PSMC4: variants seen among roughly 807,000 people sequenced by gnomAD.
PSMC4 encodes the protein 26S proteasome regulatory subunit 6B.
A neutral mutation model predicts 48.4 loss-of-function variants in PSMC4; 13 were observed. That is an observed-to-expected ratio of 0.27 (90% CI 0.18 to 0.43). The LOEUF (loss-of-function observed/expected upper bound fraction) is 0.43. Among genes scored for constraint, PSMC4 ranks in the 20% least tolerant of loss-of-function variants. PSMC4 has a pLI of 1.00. For missense variants in PSMC4, 262 were observed against 555.9 expected, an observed-to-expected ratio of 0.47 and a Z score of 5.32; for synonymous variants, 202 against 212.3, an observed-to-expected ratio of 0.95 and a Z score of 0.42.
intron 6 of PSMC4, among the ~76,000 whole-genome samples, chr19:39,977,754 C>T (rs1342827011): frequency 6.6e-6 from 1 of 151,608 alleles, no homozygotes; most frequent in Non-Finnish European, 1.5e-5. Context: ...CCCAGGAGGC[C>T]AAGGTTGCAG....
At chr19:39,979,255 T>C (rs1455647244) in intron 6 of PSMC4, among the ~76,000 whole-genome samples, 1 of 152,032 alleles carries the variant, frequency 6.6e-6, no homozygotes, top group Non-Finnish European at 1.5e-5. Flanking sequence ...TTTTTAAATG[T>C]TGGGCCAAAA....
rs962222368 is a variant in PSMC4 at position 39,974,009 on chromosome 19, C to T, written c.323-285C>T. On this transcript the variant is annotated intron_variant, in intron 3 of 10. Coordinates refer to ENST00000157812, the MANE Select transcript of PSMC4 (RefSeq NM_006503.4). This position sits in a 1 kb window ranked among gnomAD's most constrained non-coding sequence, Gnocchi z 5.5. ...CTGCTGGTCAGCCAGGTCTGACAAT[C>T]AGGAGAGAGACTGAGCCTGGAAACA... is the stretch of plus-strand genomic sequence containing the variant. Among the ~76,000 whole-genome samples, 3 of 152,126 alleles carry T rather than the reference C, an allele frequency of 2.0e-5. No individual in the cohort carries two copies. The highest frequency in any genetic ancestry group is 4.8e-5 in the African/African-American group (2 of 41,402).
Position 39,981,058 on chromosome 19 carries a change from T to C in PSMC4, c.1144-134T>C. ...TTTTTGTAGAGACAGGGTTTCACCA[T>C]GTTGCCCAGGCTGGTCTCGAACTCT... On this transcript the variant is annotated intron_variant, in intron 10 of 10. Transcript: ENST00000157812. 6 of 674,538 alleles carry C rather than the reference T, an allele frequency of 8.9e-6. No individual in the cohort carries two copies. The South Asian group carries it at 1.1e-4, about 12-fold the overall frequency. 41.8% of individuals were successfully genotyped at this position (674,538 alleles called of 1,614,324 possible). A position where few individuals can be genotyped will look rare whatever the true frequency, so the allele number is the denominator to read the frequency against.
At chr19:39,976,132 G>T (rs1971193410) in intron 6 of PSMC4, among the ~76,000 whole-genome samples, 1 of 151,618 alleles carries the variant, frequency 6.6e-6, no homozygotes, top group Admixed American at 6.6e-5. Context: ...AGCTACTTGG[G>T]AGGCTGAGGC....
At position 39,981,009 on chromosome 19, in the gene PSMC4, C is replaced by T. The variant is rs546796917; in HGVS notation, c.1144-183C>T. Among the ~76,000 whole-genome samples the T allele has an allele frequency of 8.5e-4, 117 of 138,216 alleles. 1 individual carries two copies. Among genetic ancestry groups the T allele is most frequent in the African/African-American group, 3.9e-3 (114 of 28,928 alleles). The allele number at this position is 138,216 out of a possible 152,430, so 90.7% of individuals were successfully genotyped here. A position where few individuals can be genotyped will look rare whatever the true frequency, so the allele number is the denominator to read the frequency against. On this transcript the variant is annotated intron_variant, in intron 10 of 10. Coordinates refer to ENST00000157812, the MANE Select transcript of PSMC4 (RefSeq NM_006503.4). ...AGTAGCTGGGATTACAGGCGCCCAC[C>T]ACCAGTCTGGCTAATTTTTGTATTT... is the stretch of plus-strand genomic sequence containing the variant.
rs773791351 is a variant in PSMC4, at chr19:39,972,248, C to T, written c.135+4C>T. ...GGACCTGTACAGCCGCTACAAGGTACATTCGACCCCCAACCCAGACCTTGC... is the reference window on the plus strand; with the variant it reads ...GGACCTGTACAGCCGCTACAAGGTATATTCGACCCCCAACCCAGACCTTGC... On this transcript the variant is annotated splice_donor_region_variant and intron_variant, in intron 2 of 10. Transcript: ENST00000157812. 25 of 1,613,260 alleles carry T rather than the reference C, an allele frequency of 1.5e-5. 1 individual carries two copies. The South Asian group carries it at 2.3e-4, about 15-fold the overall frequency.
chr19:39,979,610 G>T, intron 6 of PSMC4: 1 of 406,060 alleles, frequency 2.5e-6, no homozygotes. Context: ...CATGATTTAG[G>T]CCACTGGGTC....
At position 39,973,594 on chromosome 19, in the gene PSMC4, A is replaced by C. The variant is rs1485576648; in HGVS notation, c.323-700A>C. Among the ~76,000 whole-genome samples, 4 of 151,840 alleles carry C rather than the reference A, an allele frequency of 2.6e-5. No homozygotes were observed. The East Asian group carries it at 7.7e-4, about 29-fold the overall frequency. ...CAACACTCTGTCTAAAAAAAAAAAA[A>C]AAAAAAAAAATACTGGGCCCTGATA... On this transcript the variant is annotated intron_variant, in intron 3 of 10. Transcript: ENST00000157812.
At chr19:39,973,152 G>T (rs985025889) in intron 3 of PSMC4, among the ~76,000 whole-genome samples, 1 of 152,140 alleles carries the variant, frequency 6.6e-6, no homozygotes, top group Non-Finnish European at 1.5e-5. Context: ...ACTAGGTGTG[G>T]TATATGCTGA....
rs1278096102 is a variant in PSMC4, at chr19:39,974,284, C to T, written c.323-10C>T. 1 of 1,613,668 alleles carries T rather than the reference C, an allele frequency of 6.2e-7. No individual in the cohort carries two copies. The highest frequency in any genetic ancestry group is 8.5e-7 in the Non-Finnish European group (1 of 1,179,798). Reference sequence around the variant, plus strand: ...TGACACTTCTCGTTTTCCTCTCTCCCTTCTCGCAGGCTCCAACTATTATGT... The same window carrying T: ...TGACACTTCTCGTTTTCCTCTCTCCTTTCTCGCAGGCTCCAACTATTATGT... On this transcript the variant is annotated splice_polypyrimidine_tract_variant and intron_variant, in intron 3 of 10. Transcript: ENST00000157812. This position sits in a 1 kb window ranked among gnomAD's most constrained non-coding sequence, Gnocchi z 5.5.
Position 39,980,256 on chromosome 19 carries a change from G to A in PSMC4, c.919-30G>A, listed in dbSNP as rs771530733. The A allele has an allele frequency of 6.2e-7, 1 of 1,613,750 alleles. No individual in the cohort carries two copies. Among genetic ancestry groups the A allele is most frequent in the Admixed American group, 1.7e-5 (1 of 59,992 alleles). Reference sequence around the variant, plus strand: ...GACAGGAAGGAGGTAGGAGTGCAGAGATCTGAGCTGGCCTGCCCCCCAATG... The same window carrying A: ...GACAGGAAGGAGGTAGGAGTGCAGAAATCTGAGCTGGCCTGCCCCCCAATG... On this transcript the variant is annotated intron_variant, in intron 8 of 10. Transcript: ENST00000157812. This position sits in a 1 kb window ranked among gnomAD's most constrained non-coding sequence, Gnocchi z 4.8.
intron 3 of PSMC4, among the ~76,000 whole-genome samples, chr19:39,972,833 C>T (rs1368555213): frequency 6.6e-6 from 1 of 151,968 alleles, no homozygotes; most frequent in Non-Finnish European, 1.5e-5. Context: ...GCAACCTCCA[C>T]CTCCCAGGTT....
In PSMC4 at chr19:39,980,242, G is replaced by A. The variant is rs756632916; in HGVS notation, c.919-44G>A. ...GGGGTGGTTATCGTGACAGGAAGGA[G>A]GTAGGAGTGCAGAGATCTGAGCTGG... On this transcript the variant is annotated intron_variant, in intron 8 of 10. Transcript: ENST00000157812. This position sits in a 1 kb window ranked among gnomAD's most constrained non-coding sequence, Gnocchi z 4.8. 6.2e-7 allele frequency: 1 copy of A among 1,613,638 alleles called. No homozygotes were observed. Among genetic ancestry groups the A allele is most frequent in the South Asian group, 1.1e-5 (1 of 91,068 alleles).
chr19:39,976,401 C>CAAA (rs757355957), intron 6 of PSMC4, among the ~76,000 whole-genome samples: 58 of 44,974 alleles, frequency 1.3e-3, no homozygotes, highest in African/African-American at 2.5e-3. Context: ...GACTCCGTCT[C>CAAA]AAAAAAAAAA....
intron 6 of PSMC4, 117 bp from the exon 7 acceptor site, chr19:39,979,700 A>T: frequency 9.5e-7 from 1 of 1,052,040 alleles, no homozygotes; most frequent in Non-Finnish European, 1.3e-6. Context: ...TGACACAACT[A>T]CTAGGTATGG....
Position 39,981,455 on chromosome 19 carries a change from T to C in PSMC4, c.*150T>C. 1 of 607,528 alleles carries C rather than the reference T, an allele frequency of 1.6e-6. No homozygotes were observed. The highest frequency in any genetic ancestry group is 2.9e-6 in the Non-Finnish European group (1 of 341,396). The allele number at this position is 607,528 out of a possible 1,614,324, so 37.6% of individuals were successfully genotyped here. On this transcript the variant is annotated 3_prime_UTR_variant, in exon 11 of 11. Coordinates refer to ENST00000157812, the MANE Select transcript of PSMC4 (RefSeq NM_006503.4). ...AGATCGAATCCATTTAATTTCTTCT[T>C]AGAAGTTTAACTCCTTTGGAGAATG...
chr19:39,975,060 A>G (rs758255338), intron 6 of PSMC4, among the ~76,000 whole-genome samples: 2 of 152,176 alleles, frequency 1.3e-5, no homozygotes, highest in South Asian at 2.1e-4. Flanking sequence ...TTTTCCTACA[A>G]TGGGTTGTGA....
At position 39,972,455 on chromosome 19, in the gene PSMC4, T is replaced by C. The variant is rs35555615; in HGVS notation, c.222T>C (p.His74=). The C allele has an allele frequency of 0.033, 53,949 of 1,614,108 alleles. 1,108 individuals are homozygous for C. Among genetic ancestry groups the C allele is most frequent in the South Asian group, 0.055 (4,993 of 91,076 alleles). ...AGAACCTGAAAAAGGAATTTCTCCA[T>C]GCCCAGGAGGAGGTGAAGCGAATCC... The part of the protein sequence containing the change: ...EQKNLKKEFL[H]AQEEVKRIQS... The change falls in exon 3 of 11, where the codon CAT becomes CAC. Residue 74 remains histidine, a synonymous_variant. Coordinates refer to ENST00000157812, the MANE Select transcript of PSMC4 (RefSeq NM_006503.4).
In PSMC4 at chr19:39,981,486, C is replaced by T. The variant is rs1971286457; in HGVS notation, c.*181C>T. 1 of 549,836 alleles carries T rather than the reference C, an allele frequency of 1.8e-6. No individual in the cohort carries two copies. Among genetic ancestry groups the T allele is most frequent in the African/African-American group, 1.9e-5 (1 of 52,580 alleles). 34.1% of individuals were successfully genotyped at this position (549,836 alleles called of 1,614,324 possible). On this transcript the variant is annotated 3_prime_UTR_variant, in exon 11 of 11. Transcript: ENST00000157812. ...TTTAACTCCTTTGGAGAATGTGGGC[C>T]TTGAATAGGATCCTCTGGGTCCCTC...
Sources: allele counts gnomAD v4.1 joint callset (sites outside exome capture counted in the v4.1 genomes callset), GRCh38; gene constraint gnomAD v4.1.1; non-coding constraint Gnocchi (gnomAD v3.1); transcripts MANE v1.5; gene names NCBI Gene and HGNC (gene_info 2026-07-23, HGNC 2026-07-21).